CHRM3: variants seen among roughly 807,000 people sequenced by gnomAD.
The protein encoded by CHRM3 is muscarinic acetylcholine receptor M3.
A neutral mutation model predicts 41.8 loss-of-function variants in CHRM3; 11 were observed. The observed-to-expected ratio is 0.26, with a 90% CI of 0.17 to 0.44. The LOEUF is 0.44. Among genes scored for constraint, CHRM3 ranks in the 20% least tolerant of loss-of-function variants. The pLI is 1.00. For missense variants in CHRM3, 571 were observed against 745.4 expected (o/e 0.77, Z 2.72); for synonymous variants, 297 against 301.4 (o/e 0.99, Z 0.15).
chr1:239,763,648 C>T (rs1666978257), intron 5 of CHRM3, among the ~76,000 whole-genome samples: 1 of 152,104 alleles, frequency 6.6e-6, no homozygotes, highest in South Asian at 2.1e-4. Flanking sequence ...GATCTGCCCC[C>T]ACCCCCGAAA....
At position 239,859,819 on chromosome 1, in the gene CHRM3, TTATATA is replaced by T. The variant is rs55700294; in HGVS notation, c.-20+32468_-20+32473del. On this transcript the variant is annotated intron_variant, in intron 6 of 6. Coordinates refer to ENST00000676153, the MANE Select transcript of CHRM3 (RefSeq NM_001375978.1). ...AAATTATATATAAGTTCTAAGTGTT[TTATATA>T]TATATATATATATATATATATATAT... 1.5e-3 allele frequency among the ~76,000 whole-genome samples: 192 copies of T among 131,422 alleles called. 1 individual carries two copies. Among genetic ancestry groups the T allele is most frequent in the African/African-American group, 4.9e-3 (161 of 32,996 alleles). 86.2% of individuals were successfully genotyped at this position (131,422 alleles called of 152,430 possible). A position where few individuals can be genotyped will look rare whatever the true frequency, so the allele number is the denominator to read the frequency against.
intron 1 of CHRM3, among the ~76,000 whole-genome samples, chr1:239,469,197 G>T (rs1230996290): frequency 6.6e-6 from 1 of 152,234 alleles, no homozygotes; most frequent in Admixed American, 6.5e-5. Context: ...TTATTGTAGA[G>T]GGTCAGATGA....
intron 6 of CHRM3, among the ~76,000 whole-genome samples, chr1:239,883,926 T>A (rs989192800): frequency 6.6e-6 from 1 of 152,222 alleles, no homozygotes; most frequent in African/African-American, 2.4e-5. Flanking sequence ...ATTTTTCTAA[T>A]GCAAATAAAA....
At chr1:239,592,550 T>C (rs537125068) in intron 3 of CHRM3, among the ~76,000 whole-genome samples, 5 of 152,310 alleles carry the variant, frequency 3.3e-5, no homozygotes, top group Admixed American at 6.5e-5. Flanking sequence ...ACCATTTCAT[T>C]TCATGGTCTT....
chr1:239,685,139 G>A (rs2149115779), intron 5 of CHRM3, among the ~76,000 whole-genome samples: 1 of 152,206 alleles, frequency 6.6e-6, no homozygotes, highest in Admixed American at 6.5e-5. Context: ...CATGACACAT[G>A]TTATGGCTTT....
Position 239,907,609 on chromosome 1 carries a change from A to G in CHRM3, c.158A>G (p.Asp53Gly), listed in dbSNP as rs750014485. The G allele has an allele frequency of 6.2e-7, 1 of 1,614,042 alleles. No individual in the cohort carries two copies. Among genetic ancestry groups the G allele is most frequent in the Non-Finnish European group, 8.5e-7 (1 of 1,179,992 alleles). The change falls in exon 7 of 7, where the codon GAC (aspartate) becomes GGC (glycine). Residue 53 changes from aspartate (D) to glycine (G), a missense_variant. Asp to Gly is a moderately conservative substitution (Grantham distance 94). This residue lies in a region of CHRM3 where 92 missense variants were observed against 76.1 expected (regional missense o/e 1.21). Transcript: ENST00000676153. The surrounding 1 kb of genome is among the most constrained non-coding windows in gnomAD (Gnocchi z 5.4). Reference protein sequence around the residue: ...SRAAGNFSSPDGTTDDPLGGH... With the variant: ...SRAAGNFSSPGGTTDDPLGGH... ...GCAGCTGGCAATTTCTCCTCTCCAGACGGTACCACCGATGACCCTCTGGGA... is the reference window on the plus strand; with the variant it reads ...GCAGCTGGCAATTTCTCCTCTCCAGGCGGTACCACCGATGACCCTCTGGGA...
rs1248626813 is a variant in CHRM3, at chr1:239,913,510, C to T, written c.*4286C>T. The T allele has an allele frequency of 1.2e-5, 2 of 166,920 alleles. No homozygotes were observed. The highest frequency in any genetic ancestry group is 2.9e-5 in the Non-Finnish European group (2 of 68,130). 10.3% of individuals were successfully genotyped at this position (166,920 alleles called of 1,614,324 possible). On this transcript the variant is annotated 3_prime_UTR_variant, in exon 7 of 7. Coordinates refer to ENST00000676153, the MANE Select transcript of CHRM3 (RefSeq NM_001375978.1). The stretch of plus-strand genomic sequence containing the variant: ...TTCCTTTCTACACGCTTAAGTTACA[C>T]TCTCTTCTCCTGTTCTGATGACTCT...
rs113788396 is a variant in CHRM3, at chr1:239,481,650, A to G, written c.-520-11059A>G. Among the ~76,000 whole-genome samples the G allele has an allele frequency of 3.7e-3, 571 of 152,346 alleles. 2 individuals carry two copies. Among genetic ancestry groups the G allele is most frequent in the Non-Finnish European group, 5.6e-3 (379 of 68,036 alleles). On this transcript the variant is annotated intron_variant, in intron 1 of 6. Transcript: ENST00000676153. ...AGCAAAATTTCATTGAACTATTGGT[A>G]AAAGAGACAAACACAGAAGTAAGTA...
At chr1:239,871,049 G>A (rs978048805) in intron 6 of CHRM3, among the ~76,000 whole-genome samples, 1 of 151,962 alleles carries the variant, frequency 6.6e-6, no homozygotes, top group South Asian at 2.1e-4. Flanking sequence ...TGTTCCCTGC[G>A]GGCTCTGTGA....
intron 4 of CHRM3, among the ~76,000 whole-genome samples, chr1:239,659,535 G>C (rs544005018): frequency 6.6e-6 from 1 of 152,292 alleles, no homozygotes; most frequent in Middle Eastern, 3.4e-3. Context: ...GTCTGTCCAA[G>C]TAGCCACCAA....
chr1:239,474,650 A>G (rs12065311), intron 1 of CHRM3, among the ~76,000 whole-genome samples: 2,601 of 152,162 alleles, frequency 0.017, 52 homozygotes, highest in African/African-American at 0.047. Context: ...TTTGAGAAGT[A>G]ATGTAATTAT....
chr1:239,846,550 CA>C (rs1674281586), intron 6 of CHRM3, among the ~76,000 whole-genome samples: 1 of 152,086 alleles, frequency 6.6e-6, no homozygotes. Context: ...TCCCCAACAG[CA>C]AAGGAGCAAA....
intron 5 of CHRM3, among the ~76,000 whole-genome samples, chr1:239,694,830 A>C (rs1660033140): frequency 6.6e-6 from 1 of 152,170 alleles, no homozygotes; most frequent in Non-Finnish European, 1.5e-5. Flanking sequence ...TTAAAATATT[A>C]ATAATATGTA....
chr1:239,743,770 T>A (rs975763027), intron 5 of CHRM3, among the ~76,000 whole-genome samples: 2 of 149,894 alleles, frequency 1.3e-5, no homozygotes, highest in Admixed American at 1.3e-4. Flanking sequence ...TTTTTCTTTT[T>A]CTTTTTCTTT....
At chr1:239,427,222 G>A (rs923480272) in intron 1 of CHRM3, among the ~76,000 whole-genome samples, 1 of 152,082 alleles carries the variant, frequency 6.6e-6, no homozygotes, top group Middle Eastern at 3.2e-3. Context: ...CACTCAAATG[G>A]GATAATTAAG....
rs565739518 is a variant in CHRM3 at position 239,638,615 on chromosome 1, G to T, written c.-250+6329G>T. Among the ~76,000 whole-genome samples, 1,283 of 152,068 alleles carry T rather than the reference G, an allele frequency of 8.4e-3. 10 individuals are homozygous for T. Among genetic ancestry groups the T allele is most frequent in the African/African-American group, 0.025 (1,045 of 41,494 alleles). ...GCCCACTTTTTGATGGGGTTGTTTG[G>T]TTTTTTCTTGTAAATTGGTTTGAGT... On this transcript the variant is annotated intron_variant, in intron 4 of 6. Coordinates refer to ENST00000676153, the MANE Select transcript of CHRM3 (RefSeq NM_001375978.1).
intron 1 of CHRM3, among the ~76,000 whole-genome samples, chr1:239,455,537 T>G (rs1664867265): frequency 6.6e-6 from 1 of 152,122 alleles, no homozygotes; most frequent in Non-Finnish European, 1.5e-5. Context: ...TGAACCTTTG[T>G]AGACCTAAGT....
intron 5 of CHRM3, among the ~76,000 whole-genome samples, chr1:239,706,740 G>GAGTC (rs1661221011): frequency 6.7e-6 from 1 of 148,314 alleles, no homozygotes; most frequent in Admixed American, 6.7e-5. Context: ...GCATGCACAG[G>GAGTC]CATGCACCCC....
intron 2 of CHRM3, among the ~76,000 whole-genome samples, chr1:239,510,982 G>A (rs1431302324): frequency 6.6e-6 from 1 of 152,138 alleles, no homozygotes; most frequent in African/African-American, 2.4e-5. Flanking sequence ...TGAGACTACA[G>A]CAACGACAGA....
Sources: allele counts gnomAD v4.1 joint callset (sites outside exome capture counted in the v4.1 genomes callset), GRCh38; gene constraint gnomAD v4.1.1; regional missense constraint gnomAD v4.1.1; non-coding constraint Gnocchi (gnomAD v3.1); transcripts MANE v1.5; gene names NCBI Gene and HGNC (gene_info 2026-07-23, HGNC 2026-07-21).